Variants in GRIN2A observed in about 807,000 individuals in gnomAD.
GRIN2A encodes the protein glutamate ionotropic receptor NMDA type subunit 2A, also known as glutamate receptor ionotropic, NMDA 2A.
GRIN2A carries 22 observed loss-of-function variants against 113.4 expected under a neutral mutation model. The observed-to-expected ratio is 0.19, with a 90% CI of 0.14 to 0.28. The LOEUF is 0.28. Ranked by LOEUF, GRIN2A falls within the 10% of genes least tolerant of loss-of-function variation. The pLI, the probability that GRIN2A is intolerant of heterozygous loss-of-function variation, is 1.00. For missense variants in GRIN2A, 1,502 were observed against 1,887.0 expected (o/e 0.80, Z 3.78); for synonymous variants, 827 against 738.4 (o/e 1.12, Z -1.94).
intron 3 of GRIN2A, among the ~76,000 whole-genome samples, chr16:9,902,832 C>A (rs2141522720): frequency 6.6e-6 from 1 of 152,088 alleles, no homozygotes; most frequent in African/African-American, 2.4e-5. Flanking sequence ...GAATGCCTTT[C>A]TGCCTCATCC....
chr16:10,120,009 G>A (rs2142176970), intron 2 of GRIN2A, among the ~76,000 whole-genome samples: 1 of 152,256 alleles, frequency 6.6e-6, no homozygotes, highest in South Asian at 2.1e-4. Context: ...TGGATTCCAT[G>A]TATTTGCTAT....
rs1341469703 is a variant in GRIN2A at position 9,759,595 on chromosome 16, C to T, written c.*3554G>A. 4.4e-6 allele frequency: 1 copy of T among 228,734 alleles called. No individual in the cohort carries two copies. Among genetic ancestry groups the T allele is most frequent in the Non-Finnish European group, 8.7e-6 (1 of 115,372 alleles). The allele number at this position is 228,734 out of a possible 1,614,324, so 14.2% of individuals were successfully genotyped here. ...TGCAATGTGTGAATTTTAATGCTTT[C>T]ACCAGAAAAACTAAATACTCAGACT... On this transcript the variant is annotated 3_prime_UTR_variant, in exon 13 of 13. Transcript: ENST00000330684.
At chr16:10,128,058 C>T (rs530503762) in intron 2 of GRIN2A, among the ~76,000 whole-genome samples, 20 of 152,304 alleles carry the variant, frequency 1.3e-4, no homozygotes, top group Middle Eastern at 3.4e-3. Context: ...AGACTCTGCA[C>T]GCCAAGGCTC....
In GRIN2A at chr16:10,135,759, A is replaced by C. The variant is rs553980244; in HGVS notation, c.414+44239T>G. Among the ~76,000 whole-genome samples the C allele has an allele frequency of 2.0e-5, 3 of 152,306 alleles. No homozygotes were observed. The South Asian group carries it at 6.2e-4, about 32-fold the overall frequency. ...CTCAGGTGGAATTTACTCTTCAGAG[A>C]AGCCTCAGCTCTACTCTTAAGGCAT... On this transcript the variant is annotated intron_variant, in intron 2 of 12. Coordinates refer to ENST00000330684, the MANE Select transcript of GRIN2A (RefSeq NM_001134407.3).
intron 4 of GRIN2A, among the ~76,000 whole-genome samples, chr16:9,857,924 C>T (rs2042996367): frequency 6.6e-6 from 1 of 152,250 alleles, no homozygotes; most frequent in Non-Finnish European, 1.5e-5. Context: ...CTTTTCTCCA[C>T]ATTTCTCCCA....
intron 2 of GRIN2A, among the ~76,000 whole-genome samples, chr16:9,959,327 C>A (rs1201038858): frequency 6.6e-6 from 1 of 152,192 alleles, no homozygotes; most frequent in African/African-American, 2.4e-5. Context: ...ATCCCTAAAC[C>A]TAGAGCGAAA....
chr16:9,956,551 C>A (rs991214310), intron 2 of GRIN2A, among the ~76,000 whole-genome samples: 1 of 152,146 alleles, frequency 6.6e-6, no homozygotes, highest in Non-Finnish European at 1.5e-5. Context: ...ATTATTTATT[C>A]ATCTCTGGAC....
At chr16:9,783,073 G>A (rs1902022296) in intron 11 of GRIN2A, among the ~76,000 whole-genome samples, 1 of 152,094 alleles carries the variant, frequency 6.6e-6, no homozygotes, top group Admixed American at 6.6e-5. Flanking sequence ...TTAGTTGTTG[G>A]GGCATCAGAA....
intron 2 of GRIN2A, among the ~76,000 whole-genome samples, chr16:9,975,080 T>A (rs943782627): frequency 1.3e-5 from 2 of 152,190 alleles, no homozygotes; most frequent in Non-Finnish European, 2.9e-5. Flanking sequence ...AGTATTAAAA[T>A]TTTTAAATAA....
intron 2 of GRIN2A, among the ~76,000 whole-genome samples, chr16:10,013,278 C>T (rs1259509151): frequency 6.6e-6 from 1 of 152,170 alleles, no homozygotes; most frequent in African/African-American, 2.4e-5. Context: ...CCATAGGCTG[C>T]CCTTTTTCCT....
At chr16:9,980,060 G>A (rs1032730331) in intron 2 of GRIN2A, among the ~76,000 whole-genome samples, 1 of 151,594 alleles carries the variant, frequency 6.6e-6, no homozygotes, top group Non-Finnish European at 1.5e-5. Context: ...AGGAGTTCAA[G>A]ACCAGCCTGG....
At chr16:9,847,581 A>C (rs549150243) in intron 5 of GRIN2A, among the ~76,000 whole-genome samples, 10 of 151,546 alleles carry the variant, frequency 6.6e-5, no homozygotes, top group Non-Finnish European at 1.5e-4. Context: ...AAAAAAATTA[A>C]TGTTTTATAT....
At chr16:10,057,344 C>T (rs944474000) in intron 2 of GRIN2A, among the ~76,000 whole-genome samples, 7 of 152,140 alleles carry the variant, frequency 4.6e-5, no homozygotes, top group African/African-American at 1.2e-4. Context: ...CCTAGGTATT[C>T]CTGCCACTTG....
At chr16:9,840,897 T>C in intron 6 of GRIN2A, 39 bp downstream of exon 6, 1 of 1,608,806 alleles carries the variant, frequency 6.2e-7, no homozygotes, top group South Asian at 1.1e-5. Flanking sequence ...GCAGGCCCTT[T>C]GTCTGAGTAA....
intron 4 of GRIN2A, among the ~76,000 whole-genome samples, chr16:9,871,895 GA>G (rs2043268955): frequency 1.3e-5 from 2 of 152,164 alleles, no homozygotes; most frequent in Admixed American, 6.5e-5. Context: ...TTTGATTGAA[GA>G]AAGTAGCAGA....
chr16:9,854,657 C>T (rs150031693), intron 4 of GRIN2A, among the ~76,000 whole-genome samples: 91 of 152,230 alleles, frequency 6.0e-4, no homozygotes, highest in Non-Finnish European at 1.0e-3. Flanking sequence ...GGACCTTTTT[C>T]CTGTTCCCAA....
rs1466719486 is a variant in GRIN2A, at chr16:9,761,625, G to C, written c.*1524C>G. On this transcript the variant is annotated 3_prime_UTR_variant, in exon 13 of 13. Transcript: ENST00000330684. The stretch of plus-strand genomic sequence containing the variant: ...TGATCTGAGAAAGTGTCATAACATA[G>C]CAACTATCTTGTCGGGGGCACTTGT... 1 of 229,420 alleles carries C rather than the reference G, an allele frequency of 4.4e-6. No homozygotes were observed. The highest frequency in any genetic ancestry group is 6.2e-5 in the East Asian group (1 of 16,040). The allele number at this position is 229,420 out of a possible 1,614,324, so 14.2% of individuals were successfully genotyped here. A position where few individuals can be genotyped will look rare whatever the true frequency, so the allele number is the denominator to read the frequency against.
chr16:9,781,210 A>C (rs1026663835), intron 11 of GRIN2A, among the ~76,000 whole-genome samples: 2 of 152,216 alleles, frequency 1.3e-5, no homozygotes, highest in South Asian at 4.1e-4. Context: ...ACCAATCAAA[A>C]CATGAAACAT....
At chr16:9,781,424 G>C (rs1388327843) in intron 11 of GRIN2A, among the ~76,000 whole-genome samples, 2 of 152,128 alleles carry the variant, frequency 1.3e-5, no homozygotes, top group Non-Finnish European at 2.9e-5. Context: ...GCAGTGGAAG[G>C]AACACTGCTC....
Sources: allele counts gnomAD v4.1 joint callset (sites outside exome capture counted in the v4.1 genomes callset), GRCh38; gene constraint gnomAD v4.1.1; transcripts MANE v1.5; gene names NCBI Gene and HGNC (gene_info 2026-07-23, HGNC 2026-07-21).